Variants in CAPN3 observed in about 807,000 individuals in gnomAD.
The protein encoded by CAPN3 is calpain 3, also known as calpain-3.
A neutral mutation model predicts 114.0 loss-of-function variants in CAPN3; 88 were observed. The ratio of observed to expected loss-of-function variants is 0.77; its 90% CI spans 0.65 to 0.92. CAPN3 has a LOEUF of 0.92. Among genes scored for constraint, CAPN3 ranks in the 40% least tolerant of loss-of-function variants. The pLI is 0.00. For synonymous variants in CAPN3, 386 were observed against 382.9 expected (o/e 1.01, Z -0.09); for missense variants, 1,028 against 1,069.0 (o/e 0.96, Z 0.53).
rs529454749 is a variant in CAPN3, at chr15:42,394,182, C to T, written c.1030-74C>T. On this transcript the variant is annotated intron_variant, in intron 7 of 23. Coordinates refer to ENST00000397163, the MANE Select transcript of CAPN3 (RefSeq NM_000070.3). ...AGAGATTTGCCCCCCAGCCCCGTCCCAGCCCTCAGCAAGACAGAAGATTCC... is the reference window on the plus strand; with the variant it reads ...AGAGATTTGCCCCCCAGCCCCGTCCTAGCCCTCAGCAAGACAGAAGATTCC... The T allele has an allele frequency of 4.3e-6, 6 of 1,391,156 alleles. No individual in the cohort carries two copies. In the African/African-American group the frequency reaches 8.6e-5, roughly 20 times the overall value. The allele number at this position is 1,391,156 out of a possible 1,614,324, so 86.2% of individuals were successfully genotyped here.
In CAPN3 at chr15:42,359,959, CCTA is replaced by C; in HGVS notation, c.155_157del (p.Pro52_Ile53delinsLeu). Reference sequence around the variant, plus strand: ...TTCAGCCATCATCAGCCGCAATTTTCCTATTATCGGAGTGAAAGAGAAGACATT... The same window carrying C: ...TTCAGCCATCATCAGCCGCAATTTTCTTATCGGAGTGAAAGAGAAGACATT... On this transcript the variant is annotated inframe_deletion, in exon 1 of 24. Coordinates refer to ENST00000397163, the MANE Select transcript of CAPN3 (RefSeq NM_000070.3). The C allele has an allele frequency of 6.2e-7, 1 of 1,614,198 alleles. No homozygotes were observed. The highest frequency in any genetic ancestry group is 1.1e-5 in the South Asian group (1 of 91,074).
Position 42,386,246 on chromosome 15 carries a change from A to G in CAPN3, c.459A>G (p.Gln153=). ...HLLFRVIPHD[Q]SFIENYAGIF... ...TTTTCCGAGTCATACCCCATGATCA[A>G]AGTTTCATCGAAAACTACGCAGGGA... Residue 153 remains glutamine (Q), a synonymous_variant, in exon 3 of 24, where the codon CAA becomes CAG. Coordinates refer to ENST00000397163, the MANE Select transcript of CAPN3 (RefSeq NM_000070.3). 6.2e-7 allele frequency: 1 copy of G among 1,614,080 alleles called. No individual in the cohort carries two copies. Among genetic ancestry groups the G allele is most frequent in the Non-Finnish European group, 8.5e-7 (1 of 1,179,952 alleles).
Position 42,360,704 on chromosome 15 carries a change from A to T in CAPN3, c.309+590A>T, listed in dbSNP as rs577126319. Among the ~76,000 whole-genome samples the T allele has an allele frequency of 7.1e-4, 108 of 152,272 alleles. 4 individuals carry two copies. The South Asian group carries it at 0.022, about 31-fold the overall frequency. On this transcript the variant is annotated intron_variant, in intron 1 of 23. Coordinates refer to ENST00000397163, the MANE Select transcript of CAPN3 (RefSeq NM_000070.3). ...CTTTTGTCCACCTACCTCACCTCAT[A>T]AGTGAGGAGTCAAGGCACACTAGAG...
chr15:42,411,768 G>A lies in CAPN3; in HGVS notation c.2461G>A (p.Ala821Thr). The A allele has an allele frequency of 6.3e-7, 1 of 1,596,404 alleles. No individual in the cohort carries two copies. The highest frequency in any genetic ancestry group is 8.5e-7 in the Non-Finnish European group (1 of 1,171,768). ...TCAGTGGCTGCAGCTCACCATGTAT[G>A]CCTGAACCAGGCTGGCCTCATCCAA... ...VLEWLQLTMY[A>T] The change falls in exon 24 of 24, where the codon GCC (alanine) becomes ACC (threonine). Residue 821 changes from alanine to threonine, a missense_variant. Transcript: ENST00000397163.
chr15:42,392,548 C>T (rs1290241554), intron 6 of CAPN3, 91 bp from the exon 7 acceptor site: 4 of 969,422 alleles, frequency 4.1e-6, no homozygotes, highest in Non-Finnish European at 6.5e-6. Context: ...CTTCACAGAG[C>T]CCGGAAAATG....
At chr15:42,405,469 C>T (rs1386416183) in intron 14 of CAPN3, among the ~76,000 whole-genome samples, 1 of 152,066 alleles carries the variant, frequency 6.6e-6, no homozygotes, top group Non-Finnish European at 1.5e-5. Flanking sequence ...CACCATCACG[C>T]CTGGATAATT....
At chr15:42,372,861 T>A (rs1047341944) in intron 1 of CAPN3, among the ~76,000 whole-genome samples, 2 of 148,416 alleles carry the variant, frequency 1.3e-5, no homozygotes, top group African/African-American at 5.0e-5. Context: ...AACAAAAAAA[T>A]TATTTTAAGC....
At chr15:42,408,736 C>T in intron 16 of CAPN3, 1 of 348,304 alleles carries the variant, frequency 2.9e-6, no homozygotes, top group South Asian at 2.3e-5. Flanking sequence ...CTCTAGAGCT[C>T]ACGGGAGGGT....
Position 42,389,100 on chromosome 15 carries a change from A to C in CAPN3, c.801+4A>C. 6.2e-7 allele frequency: 1 copy of C among 1,613,906 alleles called. No individual in the cohort carries two copies. The highest frequency in any genetic ancestry group is 2.2e-5 in the East Asian group (1 of 44,866). ...CCTCATGGGCTGCTCCATTGATGTA[A>C]GTCTGGGGTGTGGGGCACAGGGTGG... On this transcript the variant is annotated splice_donor_region_variant and intron_variant, in intron 5 of 23. Transcript: ENST00000397163.
intron 1 of CAPN3, among the ~76,000 whole-genome samples, chr15:42,370,856 A>AT (rs2052925002): frequency 6.6e-6 from 1 of 152,178 alleles, no homozygotes. Flanking sequence ...GGGTAGGAGC[A>AT]TAACACAATG....
intron 1 of CAPN3, among the ~76,000 whole-genome samples, chr15:42,373,273 A>C (rs2053003199): frequency 6.6e-6 from 1 of 152,232 alleles, no homozygotes; most frequent in Non-Finnish European, 1.5e-5. Flanking sequence ...CCTATTCAAA[A>C]TGCAGAGTCC....
rs1168922759 is a variant in CAPN3 at position 42,394,361 on chromosome 15, G to A, written c.1115+20G>A. On this transcript the variant is annotated intron_variant, in intron 8 of 23. Transcript: ENST00000397163. Reference sequence around the variant, plus strand: ...TGATAGGTAGGTGAGGGGACCCCACGGGATTGGCGGTGGCGGGGAACAGGG... The same window carrying A: ...TGATAGGTAGGTGAGGGGACCCCACAGGATTGGCGGTGGCGGGGAACAGGG... 6 of 1,546,192 alleles carry A rather than the reference G, an allele frequency of 3.9e-6. No homozygotes were observed. The highest frequency in any genetic ancestry group is 1.7e-4 in the Middle Eastern group (1 of 5,954).
intron 1 of CAPN3, among the ~76,000 whole-genome samples, chr15:42,373,098 C>T (rs1465185935): frequency 5.9e-5 from 9 of 151,440 alleles, no homozygotes; most frequent in Admixed American, 2.6e-4. Context: ...GAGGCTGAGG[C>T]GGGAGAATTG....
chr15:42,407,581 G>A (rs915259819), intron 15 of CAPN3, among the ~76,000 whole-genome samples: 14 of 152,078 alleles, frequency 9.2e-5, no homozygotes, highest in Non-Finnish European at 2.1e-4. Flanking sequence ...TGCCTGCTTC[G>A]GCCTCCTAAA....
At position 42,399,640 on chromosome 15, in the gene CAPN3, C is replaced by G. The variant is rs776043976; in HGVS notation, c.1342C>G (p.Arg448Gly). Residue 448 changes from arginine (R) to glycine (G), a missense_variant, in exon 10 of 24, where the codon CGC becomes GGC. Coordinates refer to ENST00000397163, the MANE Select transcript of CAPN3 (RefSeq NM_000070.3). ...WVRGCSAGGCRNFPDTFWTNP... is the reference protein window; with the variant it reads ...WVRGCSAGGCGNFPDTFWTNP... ...ACGGGGTTGCTCTGCCGGAGGCTGC[C>G]GCAACTTCCCAGGTGGGAGATGCTC... 48 of 1,602,844 alleles carry G rather than the reference C, an allele frequency of 3.0e-5. No individual in the cohort carries two copies. The highest frequency in any genetic ancestry group is 3.7e-5 in the Non-Finnish European group (43 of 1,173,620).
At chr15:42,380,985 T>C (rs1293783857) in intron 1 of CAPN3, among the ~76,000 whole-genome samples, 3 of 151,814 alleles carry the variant, frequency 2.0e-5, no homozygotes, top group Non-Finnish European at 4.4e-5. Flanking sequence ...AAGTCCACCC[T>C]CAAATAACAC....
rs1191099002 is a variant in CAPN3, at chr15:42,409,918, T to C, written c.2051-13T>C. On this transcript the variant is annotated splice_polypyrimidine_tract_variant and intron_variant, in intron 18 of 23. Coordinates refer to ENST00000397163, the MANE Select transcript of CAPN3 (RefSeq NM_000070.3). ...GTCTCAAAGCAGCTCCTCACTCTTCTCCATCCCCCCAGACAAGGACCTGAA... is the reference window on the plus strand; with the variant it reads ...GTCTCAAAGCAGCTCCTCACTCTTCCCCATCCCCCCAGACAAGGACCTGAA... 1.2e-6 allele frequency: 2 copies of C among 1,612,490 alleles called. No individual in the cohort carries two copies. Among genetic ancestry groups the C allele is most frequent in the Non-Finnish European group, 1.7e-6 (2 of 1,179,760 alleles).
chr15:42,412,201 G>A lies in CAPN3; in HGVS notation c.*428G>A, dbSNP rs759029909. 18 of 1,535,680 alleles carry A rather than the reference G, an allele frequency of 1.2e-5. No individual in the cohort carries two copies. The highest frequency in any genetic ancestry group is 2.6e-6 in the Non-Finnish European group (3 of 1,146,632). Reference sequence around the variant, plus strand: ...AACCAAACCAGCACTGGGTTCTACTGCTGTGGGGTAAACTAACTCAGTGGA... The same window carrying A: ...AACCAAACCAGCACTGGGTTCTACTACTGTGGGGTAAACTAACTCAGTGGA... On this transcript the variant is annotated 3_prime_UTR_variant, in exon 24 of 24. Transcript: ENST00000397163.
chr15:42,408,375 C>T lies in CAPN3; in HGVS notation c.1914+51C>T, dbSNP rs753877309. ...GGTGGCCAGCACGCTACAGGGGCTT[C>T]CTATGCGCTTGGGATACACAGGGGC... is the stretch of plus-strand genomic sequence containing the variant. On this transcript the variant is annotated intron_variant, in intron 16 of 23. Transcript: ENST00000397163. 32 of 1,150,538 alleles carry T rather than the reference C, an allele frequency of 2.8e-5. 1 individual carries two copies. In the South Asian group the frequency reaches 3.8e-4, roughly 14 times the overall value. The allele number at this position is 1,150,538 out of a possible 1,614,324, so 71.3% of individuals were successfully genotyped here. A position where few individuals can be genotyped will look rare whatever the true frequency, so the allele number is the denominator to read the frequency against.
Sources: allele counts gnomAD v4.1 joint callset (sites outside exome capture counted in the v4.1 genomes callset), GRCh38; gene constraint gnomAD v4.1.1; transcripts MANE v1.5; gene names NCBI Gene and HGNC (gene_info 2026-07-23, HGNC 2026-07-21).